Variants in DCBLD1 observed in about 807,000 individuals in gnomAD.
The protein encoded by DCBLD1 is discoidin, CUB and LCCL domain-containing protein 1.
A neutral mutation model predicts 71.5 loss-of-function variants in DCBLD1; 57 were observed. The ratio of observed to expected loss-of-function variants is 0.80; its 90% CI spans 0.64 to 0.99. DCBLD1 has a LOEUF of 0.99. Ranked by LOEUF, DCBLD1 falls within the 50% of genes least tolerant of loss-of-function variation. The pLI is 0.00. For missense variants in DCBLD1, 891 were observed against 923.5 expected (o/e 0.96, Z 0.46); for synonymous variants, 380 against 363.8 (o/e 1.04, Z -0.51).
chr6:117,496,945 C>T (rs1273079334), intron 1 of DCBLD1, among the ~76,000 whole-genome samples: 1 of 152,142 alleles, frequency 6.6e-6, no homozygotes, highest in East Asian at 1.9e-4. Flanking sequence ...ATAAAAAAAT[C>T]TGTGTTCTAA....
intron 1 of DCBLD1, 100 bp downstream of exon 1, chr6:117,482,993 C>T (rs903395065): frequency 4.2e-4 from 365 of 868,428 alleles, no homozygotes; most frequent in Non-Finnish European, 4.9e-4. Flanking sequence ...ACGGGGCGGG[C>T]CGGGCCTGGG....
At chr6:117,512,787 G>A (rs1476354902) in intron 2 of DCBLD1, among the ~76,000 whole-genome samples, 2 of 151,844 alleles carry the variant, frequency 1.3e-5, no homozygotes, top group South Asian at 4.1e-4. Context: ...GAGGTTTTAT[G>A]TTGTTGTTGT....
At chr6:117,515,181 G>A (rs915442351) in intron 2 of DCBLD1, among the ~76,000 whole-genome samples, 1 of 151,822 alleles carries the variant, frequency 6.6e-6, no homozygotes, top group Admixed American at 6.6e-5. Flanking sequence ...CACCATGCTC[G>A]GCTAATTTTT....
intron 11 of DCBLD1, among the ~76,000 whole-genome samples, chr6:117,542,162 A>G (rs1303164507): frequency 6.6e-6 from 1 of 152,014 alleles, no homozygotes; most frequent in African/African-American, 2.4e-5. Flanking sequence ...GCGTGGCAGC[A>G]TGCGCCTGTA....
At chr6:117,532,455 C>T (rs1367573445) in intron 6 of DCBLD1, 62 bp downstream of exon 6, 23 of 1,484,370 alleles carry the variant, frequency 1.5e-5, no homozygotes, top group Non-Finnish European at 1.9e-5. Flanking sequence ...GGATAATTAA[C>T]CAGCTCACAA....
intron 2 of DCBLD1, among the ~76,000 whole-genome samples, chr6:117,516,997 T>C (rs920012440): frequency 1.3e-5 from 2 of 152,118 alleles, no homozygotes; most frequent in Non-Finnish European, 2.9e-5. Context: ...AAGTCTCATG[T>C]CCTCATATTT....
chr6:117,547,578 ACT>A lies in DCBLD1; in HGVS notation c.1616-328_1616-327del, dbSNP rs570465127. ...AGGCTGTTTTTTTCTCCATTTCCAC[ACT>A]GTGTGACTTCCACCTCCATAGCTTC... On this transcript the variant is annotated intron_variant, in intron 14 of 14. Coordinates refer to ENST00000338728, the MANE Select transcript of DCBLD1 (RefSeq NM_001366458.2). 6.6e-4 allele frequency: 395 copies of A among 602,284 alleles called. No individual in the cohort carries two copies. The African/African-American group carries it at 6.7e-3, about 10-fold the overall frequency. The allele number at this position is 602,284 out of a possible 1,614,324, so 37.3% of individuals were successfully genotyped here.
At chr6:117,520,165 TAGA>T (rs1158950505) in intron 3 of DCBLD1, among the ~76,000 whole-genome samples, 24 of 152,152 alleles carry the variant, frequency 1.6e-4, no homozygotes, top group Admixed American at 1.6e-3. Flanking sequence ...TGGGCCACAT[TAGA>T]AGAAGAATTG....
At chr6:117,563,288 T>A (rs2114597809) in intron 14 of DCBLD1, 1 of 1,613,190 alleles carries the variant, frequency 6.2e-7, no homozygotes, top group East Asian at 2.2e-5. Flanking sequence ...AGTGTGCAGA[T>A]CATCTAATTT....
chr6:117,552,339 A>G (rs956881646), downstream of DCBLD1, among the ~76,000 whole-genome samples: 3 of 152,156 alleles, frequency 2.0e-5, no homozygotes, highest in East Asian at 1.9e-4. Flanking sequence ...TGATCGATCA[A>G]TATTAGCTCA....
chr6:117,527,329 G>T (rs1057100117), intron 5 of DCBLD1, among the ~76,000 whole-genome samples: 1 of 152,162 alleles, frequency 6.6e-6, no homozygotes, highest in Non-Finnish European at 1.5e-5. Flanking sequence ...GATCATGGGG[G>T]TTATCTTAGA....
intron 1 of DCBLD1, among the ~76,000 whole-genome samples, chr6:117,490,155 C>T (rs1320987663): frequency 6.6e-6 from 1 of 152,054 alleles, no homozygotes; most frequent in African/African-American, 2.4e-5. Context: ...TGTACACACA[C>T]ATTTACTATT....
chr6:117,496,171 A>G (rs1336437861), intron 1 of DCBLD1, among the ~76,000 whole-genome samples: 3 of 152,174 alleles, frequency 2.0e-5, no homozygotes, highest in Non-Finnish European at 4.4e-5. Context: ...TGTGGTGAGA[A>G]TAAAGTTGAA....
chr6:117,525,394 C>T lies in DCBLD1; in HGVS notation c.545C>T (p.Ala182Val). The T allele has an allele frequency of 1.3e-6, 2 of 1,517,494 alleles. No individual in the cohort carries two copies. The highest frequency in any genetic ancestry group is 8.8e-7 in the Non-Finnish European group (1 of 1,132,560). The allele number at this position is 1,517,494 out of a possible 1,614,324, so 94.0% of individuals were successfully genotyped here. The change falls in exon 5 of 15, where the codon GCA becomes GTA. Residue 182 changes from alanine (A) to valine (V), a missense_variant. Ala to Val is a moderately conservative substitution (Grantham distance 64). Transcript: ENST00000338728. ...KFCPAGCRDV[A>V]GDISGNMVDG... ...TGCCCAGCTGGTTGTAGAGACGTAG[C>T]AGGAGACATTTCTGGGAATATGGTA... is the stretch of plus-strand genomic sequence containing the variant.
chr6:117,558,042 G>A (rs1035946587), intron 14 of DCBLD1, among the ~76,000 whole-genome samples: 3 of 152,190 alleles, frequency 2.0e-5, no homozygotes, highest in African/African-American at 4.8e-5. Flanking sequence ...TTAGAGAAGC[G>A]TGGGCTTCTT....
At chr6:117,538,020 T>G (rs978521828) in intron 7 of DCBLD1, among the ~76,000 whole-genome samples, 5 of 152,248 alleles carry the variant, frequency 3.3e-5, no homozygotes, top group Admixed American at 3.3e-4. Context: ...CTTTTGAGCT[T>G]CTCCATCATG....
In DCBLD1 at chr6:117,544,544, A is replaced by G; in HGVS notation, c.1462A>G (p.Ser488Gly). 6.2e-7 allele frequency: 1 copy of G among 1,613,948 alleles called. No individual in the cohort carries two copies. The highest frequency in any genetic ancestry group is 8.5e-7 in the Non-Finnish European group (1 of 1,179,970). Residue 488 changes from serine to glycine, a missense_variant, in exon 13 of 15, where the codon AGT becomes GGT. Physicochemically the swap from Ser to Gly is moderately conservative, Grantham distance 56 (BLOSUM62 0). Coordinates refer to ENST00000338728, the MANE Select transcript of DCBLD1 (RefSeq NM_001366458.2). ...AAFRKKKKKG[S>G]PYGSAEAQKT... ...TCTTGATAGGAAGAAGAAGAAAGGA[A>G]GTCCGTATGGATCAGCAGAGGCTCA...
At chr6:117,501,674 A>T (rs1457261071) in intron 1 of DCBLD1, among the ~76,000 whole-genome samples, 1 of 152,250 alleles carries the variant, frequency 6.6e-6, no homozygotes, top group Non-Finnish European at 1.5e-5. Flanking sequence ...TGGATATTTT[A>T]TTAAAGCCCT....
intron 1 of DCBLD1, among the ~76,000 whole-genome samples, chr6:117,497,087 C>A (rs553910869): frequency 1.3e-5 from 2 of 152,220 alleles, no homozygotes; most frequent in Non-Finnish European, 2.9e-5. Context: ...CCCAGCTAAT[C>A]GGGATGCTGA....
Sources: gnomAD v4.1 joint callset for allele counts (sites outside exome capture counted in the v4.1 genomes callset) on GRCh38, gnomAD v4.1.1 for gene constraint, MANE v1.5 for transcripts, NCBI Gene and HGNC (gene_info 2026-07-23, HGNC 2026-07-21) for gene names.